HS6ST3: variants seen among roughly 807,000 people sequenced by gnomAD.
HS6ST3 encodes the protein heparan-sulfate 6-O-sulfotransferase 3.
Under a neutral mutation model 36.7 loss-of-function variants are expected in HS6ST3, and 12 were observed. The ratio of observed to expected loss-of-function variants is 0.33; its 90% confidence interval spans 0.21 to 0.53. HS6ST3 has a LOEUF of 0.53. Among genes scored for constraint, HS6ST3 ranks in the 20% least tolerant of loss-of-function variants. HS6ST3 has a pLI of 0.95. For synonymous variants in HS6ST3, 240 were observed against 257.5 expected, an observed-to-expected ratio of 0.93 and a Z score of 0.65; for missense variants, 584 against 640.9, an observed-to-expected ratio of 0.91 and a Z score of 0.96.
At chr13:96,750,289 C>A (rs939896258) in intron 1 of HS6ST3, among the ~76,000 whole-genome samples, 1 of 152,144 alleles carries the variant, frequency 6.6e-6, no homozygotes, top group Non-Finnish European at 1.5e-5. Context: ...TTTGCACAAG[C>A]CCCAGGGAAG....
At chr13:96,289,784 T>A (rs1227627281) in intron 1 of HS6ST3, among the ~76,000 whole-genome samples, 2 of 152,192 alleles carry the variant, frequency 1.3e-5, no homozygotes, top group African/African-American at 4.8e-5. Context: ...AGGATACTTT[T>A]GATGTATGTT....
rs144372984 is a variant in HS6ST3, at chr13:96,394,301, TG to T, written c.707+302733del. Reference sequence around the variant, plus strand: ...ACACTCACCCAGCTTCCCCCATTTTTGTATCTTTTAGAATGGAATGGCCACA... The same window carrying T: ...ACACTCACCCAGCTTCCCCCATTTTTTATCTTTTAGAATGGAATGGCCACA... On this transcript the variant is annotated intron_variant, in intron 1 of 1. Coordinates refer to ENST00000376705, the MANE Select transcript of HS6ST3 (RefSeq NM_153456.4). Among the ~76,000 whole-genome samples the T allele has an allele frequency of 7.9e-3, 1,188 of 149,990 alleles. 6 individuals carry two copies. Among genetic ancestry groups the T allele is most frequent in the Non-Finnish European group, 0.012 (777 of 67,264 alleles).
rs548065602 is a variant in HS6ST3, at chr13:96,281,820, C to T, written c.707+190251C>T. On this transcript the variant is annotated intron_variant, in intron 1 of 1. Coordinates refer to ENST00000376705, the MANE Select transcript of HS6ST3 (RefSeq NM_153456.4). ...CTTCCCTCATGAAACATTAGGTAAC[C>T]GCAGTCTTCATATTTTGCACGACTG... Among the ~76,000 whole-genome samples, 8 of 152,236 alleles carry T rather than the reference C, an allele frequency of 5.3e-5. No individual in the cohort carries two copies. The East Asian group carries it at 7.7e-4, about 15-fold the overall frequency.
At chr13:96,608,753 A>G (rs1220740176) in intron 1 of HS6ST3, among the ~76,000 whole-genome samples, 1 of 152,158 alleles carries the variant, frequency 6.6e-6, no homozygotes, top group Non-Finnish European at 1.5e-5. Flanking sequence ...CTATTTTTAA[A>G]ACACAATTAA....
At chr13:96,217,631 G>A (rs1197377101) in intron 1 of HS6ST3, among the ~76,000 whole-genome samples, 11 of 152,120 alleles carry the variant, frequency 7.2e-5, no homozygotes, top group African/African-American at 9.7e-5. Flanking sequence ...TCACAGAGAC[G>A]TTTAATAAAT....
intron 1 of HS6ST3, among the ~76,000 whole-genome samples, chr13:96,447,218 C>T (rs565731892): frequency 9.2e-5 from 14 of 152,196 alleles, no homozygotes; most frequent in South Asian, 2.1e-4. Context: ...TAAGGTCATC[C>T]GCTTTCATGC....
At position 96,316,257 on chromosome 13, in the gene HS6ST3, C is replaced by CTGTGTGTGTGTG. The variant is rs10534465; in HGVS notation, c.707+224720_707+224731dup. Among the ~76,000 whole-genome samples the CTGTGTGTGTGTG allele has an allele frequency of 6.8e-5, 10 of 147,282 alleles. 1 individual carries two copies. Among genetic ancestry groups the CTGTGTGTGTGTG allele is most frequent in the South Asian group, 4.4e-4 (2 of 4,544 alleles). On this transcript the variant is annotated intron_variant, in intron 1 of 1. Coordinates refer to ENST00000376705, the MANE Select transcript of HS6ST3 (RefSeq NM_153456.4). ...GCATATACACATGCACTACATACAC[C>CTGTGTGTGTGTG]TGTGTGTGTGTGTGTGTGTGTGTGT...
At chr13:96,284,910 G>GCTTGCTTGCTTTCTTTCTTTCTTTCTTT (rs1343778101) in intron 1 of HS6ST3, among the ~76,000 whole-genome samples, 3 of 134,676 alleles carry the variant, frequency 2.2e-5, no homozygotes, top group Non-Finnish European at 4.8e-5. Context: ...ATGCATATTT[G>GCTTGCTTGCTTTCTTTCTTTCTTTCTTT]CTTTCTTTCT....
intron 1 of HS6ST3, among the ~76,000 whole-genome samples, chr13:96,208,395 G>T (rs1358640104): frequency 6.6e-6 from 1 of 152,034 alleles, no homozygotes; most frequent in East Asian, 1.9e-4. Context: ...AGGGAGCATT[G>T]TTGGCTCTAG....
chr13:96,475,612 C>CAAAAAAAA (rs1251970502), intron 1 of HS6ST3, among the ~76,000 whole-genome samples: 1 of 91,576 alleles, frequency 1.1e-5, no homozygotes, highest in Non-Finnish European at 2.4e-5. Context: ...GGAGTACTAC[C>CAAAAAAAA]AAAAAAAAAA....
chr13:96,110,789 G>A (rs940560226), intron 1 of HS6ST3, among the ~76,000 whole-genome samples: 1 of 152,100 alleles, frequency 6.6e-6, no homozygotes, highest in African/African-American at 2.4e-5. Flanking sequence ...CCTTTTTGGA[G>A]GAAATGGTTG....
intron 1 of HS6ST3, among the ~76,000 whole-genome samples, chr13:96,446,121 C>T (rs1042322213): frequency 6.7e-6 from 1 of 149,684 alleles, no homozygotes; most frequent in African/African-American, 2.5e-5. Context: ...TGCAGTGAGC[C>T]GAGATCACAC....
chr13:96,802,532 G>A lies in HS6ST3; in HGVS notation c.708-29958G>A, dbSNP rs2389714. 4.5e-4 allele frequency among the ~76,000 whole-genome samples: 68 copies of A among 152,200 alleles called. No homozygotes were observed. The South Asian group carries it at 0.013, about 30-fold the overall frequency. On this transcript the variant is annotated intron_variant, in intron 1 of 1. Transcript: ENST00000376705. Reference sequence around the variant, plus strand: ...CAAAAGCCTTAAACATGCATCCTGTGGTACCAAGAATGCTTAATTATCCGT... The same window carrying A: ...CAAAAGCCTTAAACATGCATCCTGTAGTACCAAGAATGCTTAATTATCCGT...
chr13:96,354,767 G>A (rs2139432667), intron 1 of HS6ST3, among the ~76,000 whole-genome samples: 1 of 152,092 alleles, frequency 6.6e-6, no homozygotes, highest in South Asian at 2.1e-4. Context: ...CTCAGCATTA[G>A]TAGTTTAAAG....
At chr13:96,154,239 TG>T (rs2054100271) in intron 1 of HS6ST3, among the ~76,000 whole-genome samples, 4 of 152,140 alleles carry the variant, frequency 2.6e-5, no homozygotes, top group Admixed American at 2.6e-4. Flanking sequence ...TTCATTGAAC[TG>T]TTTCAACAGT....
At chr13:96,453,909 A>G (rs2055742141) in intron 1 of HS6ST3, among the ~76,000 whole-genome samples, 1 of 152,284 alleles carries the variant, frequency 6.6e-6, no homozygotes, top group East Asian at 1.9e-4. Flanking sequence ...AGGGTTTCTT[A>G]AGGAGAACTA....
At chr13:96,176,140 A>G (rs1019273453) in intron 1 of HS6ST3, among the ~76,000 whole-genome samples, 1 of 152,102 alleles carries the variant, frequency 6.6e-6, no homozygotes, top group Non-Finnish European at 1.5e-5. Flanking sequence ...AATATATTTA[A>G]ATCTATGATT....
At chr13:96,258,381 C>A (rs1315267219) in intron 1 of HS6ST3, among the ~76,000 whole-genome samples, 6 of 151,708 alleles carry the variant, frequency 4.0e-5, no homozygotes, top group Non-Finnish European at 7.4e-5. Flanking sequence ...ACAACAAAAA[C>A]CCCAAGAAGT....
intron 1 of HS6ST3, among the ~76,000 whole-genome samples, chr13:96,423,937 C>T (rs2055573894): frequency 6.6e-6 from 1 of 152,162 alleles, no homozygotes; most frequent in African/African-American, 2.4e-5. Flanking sequence ...TGTATCTTGG[C>T]TGCAACAATC....
Sources: gnomAD v4.1 joint callset for allele counts (sites outside exome capture counted in the v4.1 genomes callset) on GRCh38, gnomAD v4.1.1 for gene constraint, MANE v1.5 for transcripts, NCBI Gene and HGNC (gene_info 2026-07-23, HGNC 2026-07-21) for gene names.